Variants in KCNH7 observed in about 807,000 individuals in gnomAD.
The protein encoded by KCNH7 is voltage-gated inwardly rectifying potassium channel KCNH7.
KCNH7 carries 49 observed loss-of-function variants against 120.8 expected under a neutral mutation model. The observed-to-expected ratio is 0.41, with a 90% CI of 0.32 to 0.51. The LOEUF (loss-of-function observed/expected upper bound fraction) is 0.51, where lower values mean the gene tolerates loss of function less well. KCNH7 is among the 20% of genes least tolerant of loss of function. The pLI, the probability that KCNH7 is intolerant of heterozygous loss-of-function variation, is 0.38. For missense variants in KCNH7, 1,097 were observed against 1,446.6 expected (o/e 0.76, Z 3.92); for synonymous variants, 547 against 516.1 (o/e 1.06, Z -0.81).
chr2:162,759,144 A>T (rs1688884411), intron 2 of KCNH7, among the ~76,000 whole-genome samples: 1 of 151,406 alleles, frequency 6.6e-6, no homozygotes, highest in South Asian at 2.1e-4. Flanking sequence ...GTTTATAAAA[A>T]TGTAGATCTG....
chr2:162,654,091 AT>A (rs201629891), intron 2 of KCNH7, among the ~76,000 whole-genome samples: 111 of 146,376 alleles, frequency 7.6e-4, no homozygotes, highest in South Asian at 8.6e-4. Context: ...GTGAGCAATG[AT>A]TTTTTTTTTT....
chr2:162,751,731 A>G lies in KCNH7; in HGVS notation c.307+84806T>C, dbSNP rs143352283. Among the ~76,000 whole-genome samples the G allele has an allele frequency of 5.9e-4, 90 of 151,798 alleles. 1 individual carries two copies. The highest frequency in any genetic ancestry group is 2.1e-3 in the African/African-American group (89 of 41,474). On this transcript the variant is annotated intron_variant, in intron 2 of 15. Coordinates refer to ENST00000332142, the MANE Select transcript of KCNH7 (RefSeq NM_033272.4). ...TATTATAATAAATAACAATATTTTA[A>G]TATTTACAATCATGTATATGAATTA...
chr2:162,456,872 A>ACT (rs1169908480), intron 6 of KCNH7, among the ~76,000 whole-genome samples: 1 of 149,318 alleles, frequency 6.7e-6, no homozygotes, highest in Non-Finnish European at 1.5e-5. Flanking sequence ...ATTCCTCCAT[A>ACT]CTCTCTCTCT....
intron 6 of KCNH7, among the ~76,000 whole-genome samples, chr2:162,458,157 A>G (rs1689033770): frequency 6.6e-6 from 1 of 151,508 alleles, no homozygotes; most frequent in East Asian, 1.9e-4. Flanking sequence ...GGATGATTGT[A>G]TAATTGCAGT....
chr2:162,745,279 C>T (rs1688276755), intron 2 of KCNH7, among the ~76,000 whole-genome samples: 1 of 152,124 alleles, frequency 6.6e-6, no homozygotes, highest in South Asian at 2.1e-4. Flanking sequence ...CTGTTTTAAG[C>T]TTCATTTACC....
At chr2:162,745,937 T>G (rs1489540554) in intron 2 of KCNH7, among the ~76,000 whole-genome samples, 1 of 152,014 alleles carries the variant, frequency 6.6e-6, no homozygotes, top group Non-Finnish European at 1.5e-5. Context: ...CAAAGTTTGC[T>G]ACCTCCCAGC....
At chr2:162,806,180 A>G (rs558276086) in intron 2 of KCNH7, among the ~76,000 whole-genome samples, 2 of 152,282 alleles carry the variant, frequency 1.3e-5, no homozygotes, top group South Asian at 2.1e-4. Flanking sequence ...CAGATTCACC[A>G]CTATGTAATT....
intron 6 of KCNH7, among the ~76,000 whole-genome samples, chr2:162,489,417 T>A: frequency 6.6e-6 from 1 of 152,082 alleles, no homozygotes; most frequent in East Asian, 1.9e-4. Flanking sequence ...CTAAGAAAGT[T>A]TACAAATTTG....
At chr2:162,475,574 C>G (rs535666365) in intron 6 of KCNH7, among the ~76,000 whole-genome samples, 2 of 152,164 alleles carry the variant, frequency 1.3e-5, no homozygotes, top group Non-Finnish European at 2.9e-5. Flanking sequence ...CAGATACATA[C>G]AGTGAAAGCT....
chr2:162,763,728 AGTGTGTGTGTGTGTGTGTGTGTGTGTGT>A (rs72350942), intron 2 of KCNH7, among the ~76,000 whole-genome samples: 15 of 139,242 alleles, frequency 1.1e-4, no homozygotes, highest in Non-Finnish European at 1.3e-4. Flanking sequence ...AGGCATTTGC[AGTGTGTGTGTGTGTGTGTGTGTGTGTGT>A]GTGTGTGTGT....
chr2:162,644,988 A>G (rs1158154991), intron 2 of KCNH7, among the ~76,000 whole-genome samples: 2 of 152,148 alleles, frequency 1.3e-5, no homozygotes, highest in African/African-American at 4.8e-5. Flanking sequence ...TCTAAAAATC[A>G]TTACCATTTT....
intron 2 of KCNH7, among the ~76,000 whole-genome samples, chr2:162,706,818 C>T (rs1686720180): frequency 6.6e-6 from 1 of 152,080 alleles, no homozygotes; most frequent in African/African-American, 2.4e-5. Flanking sequence ...AAAATTGCCT[C>T]TCATACTTAA....
chr2:162,833,275 C>T (rs146020892), intron 2 of KCNH7, among the ~76,000 whole-genome samples: 3,226 of 124,174 alleles, frequency 0.026, 57 homozygotes, highest in Middle Eastern at 0.093. Flanking sequence ...GTTGTGGGGG[C>T]TAACTAAAAT....
At chr2:162,498,837 A>G (rs1558978986) in intron 6 of KCNH7, among the ~76,000 whole-genome samples, 2 of 152,102 alleles carry the variant, frequency 1.3e-5, no homozygotes, top group Non-Finnish European at 2.9e-5. Context: ...GTCAACACAG[A>G]AGCAAGGGAG....
chr2:162,778,516 G>A (rs1282110999), intron 2 of KCNH7, among the ~76,000 whole-genome samples: 1 of 152,000 alleles, frequency 6.6e-6, no homozygotes, highest in Admixed American at 6.6e-5. Flanking sequence ...ACACTGTGAG[G>A]GGCAGAACTA....
At chr2:162,399,425 G>T (rs1347607611) in intron 10 of KCNH7, among the ~76,000 whole-genome samples, 1 of 151,560 alleles carries the variant, frequency 6.6e-6, no homozygotes, top group East Asian at 1.9e-4. Context: ...ACAACGTGCA[G>T]GTTTGTTACA....
chr2:162,640,967 AC>A (rs754451411), intron 2 of KCNH7, among the ~76,000 whole-genome samples: 3 of 152,176 alleles, frequency 2.0e-5, no homozygotes, highest in Non-Finnish European at 4.4e-5. Flanking sequence ...ACAAATTAAA[AC>A]CAAAATGAGA....
intron 6 of KCNH7, among the ~76,000 whole-genome samples, chr2:162,484,254 GAC>G (rs201389689): frequency 1.4e-5 from 2 of 148,114 alleles, no homozygotes; most frequent in South Asian, 2.1e-4. Context: ...CACACAGAGA[GAC>G]ACACACACAC....
intron 2 of KCNH7, among the ~76,000 whole-genome samples, chr2:162,636,397 T>C (rs1210274968): frequency 1.3e-5 from 2 of 152,134 alleles, no homozygotes; most frequent in Non-Finnish European, 2.9e-5. Context: ...AGAGAGCCAA[T>C]GTCGTGTCGA....
Sources: gnomAD v4.1 joint callset for allele counts (sites outside exome capture counted in the v4.1 genomes callset) on GRCh38, gnomAD v4.1.1 for gene constraint, MANE v1.5 for transcripts, NCBI Gene and HGNC (gene_info 2026-07-23, HGNC 2026-07-21) for gene names.